The following PLAC1 variants were observed in gnomAD, a reference collection of about 807,000 sequenced individuals.
PLAC1 encodes placenta-specific protein 1.
For missense variants in PLAC1, 136 were observed against 163.2 expected, an observed-to-expected ratio of 0.83 and a Z score of 0.91; for synonymous variants, 68 against 62.1, an observed-to-expected ratio of 1.09 and a Z score of -0.44.
At position 134,753,243 on chromosome X, in the gene PLAC1, C is replaced by T. The variant is rs116457175; in HGVS notation, n.89+10991G>A. Among the ~76,000 whole-genome samples, 765 of 110,981 alleles carry T rather than the reference C, an allele frequency of 6.9e-3. 7 individuals carry two copies. Among genetic ancestry groups the T allele is most frequent in the African/African-American group, 0.024 (747 of 30,559 alleles). On this transcript the variant is annotated intron_variant and non_coding_transcript_variant, in intron 1 of 2. Transcript: ENST00000466797. The stretch of plus-strand genomic sequence containing the variant: ...CAGATGGCAGATTTGTGTCGTGGCC[C>T]GAGAAACAATTGTGTTTTGGTAAAA...
intron 2 of PLAC1, among the ~76,000 whole-genome samples, chrX:134,669,922 T>C (rs1569401892): frequency 8.9e-6 from 1 of 111,830 alleles, no homozygotes; most frequent in African/African-American, 3.3e-5. Flanking sequence ...GAACCTTGGC[T>C]GGGGTTCACA....
intron 1 of PLAC1, among the ~76,000 whole-genome samples, chrX:134,645,996 A>G (rs1002192821): frequency 2.7e-5 from 3 of 112,181 alleles, no homozygotes; most frequent in African/African-American, 9.7e-5. Context: ...AAACCTGTCA[A>G]CTTACAATTG....
intron 2 of PLAC1, among the ~76,000 whole-genome samples, chrX:134,686,664 A>G (rs998704528): frequency 2.8e-4 from 31 of 111,940 alleles, no homozygotes; most frequent in Non-Finnish European, 4.3e-4. Context: ...CTTGTGAATC[A>G]TAGCAGAAGG....
intron 2 of PLAC1, among the ~76,000 whole-genome samples, chrX:134,583,387 G>A (rs1296011465): frequency 1.3e-5 from 1 of 79,851 alleles, no homozygotes; most frequent in Non-Finnish European, 2.4e-5. Context: ...ACTATGCCTG[G>A]CTTTTTTTTT....
intron 1 of PLAC1, among the ~76,000 whole-genome samples, chrX:134,739,227 G>C (rs376091786): frequency 1.8e-5 from 2 of 112,238 alleles, no homozygotes; most frequent in South Asian, 3.7e-4. Context: ...ACACTAAATG[G>C]TTTTAAAAAA....
rs895091208 is a variant in PLAC1, at chrX:134,676,842, A to C, written n.174+56593T>G. On this transcript the variant is annotated intron_variant and non_coding_transcript_variant, in intron 2 of 2. Coordinates refer to the PLAC1 transcript ENST00000466797. ...TCAGCACAGAGTAGTGGTTAAGAGG[A>C]CATACTGACTGGGTTTGAATTCTGA... Among the ~76,000 whole-genome samples the C allele has an allele frequency of 6.3e-5, 7 of 111,716 alleles. No homozygotes were observed. The Admixed American group carries it at 6.7e-4, about 11-fold the overall frequency.
intron 2 of PLAC1, among the ~76,000 whole-genome samples, chrX:134,728,823 A>G (rs1355591676): frequency 9.8e-5 from 11 of 112,083 alleles, no homozygotes; most frequent in African/African-American, 3.2e-4. Flanking sequence ...TCATAAATCT[A>G]TGTTGATGGG....
chrX:134,687,710 G>A (rs2078521901), intron 2 of PLAC1, among the ~76,000 whole-genome samples: 1 of 103,399 alleles, frequency 9.7e-6, no homozygotes, highest in Non-Finnish European at 2.0e-5. Context: ...TCGGGTTTGT[G>A]CCTTAGTGGA....
intron 2 of PLAC1, among the ~76,000 whole-genome samples, chrX:134,681,769 C>A (rs1325320127): frequency 9.0e-6 from 1 of 111,434 alleles, no homozygotes; most frequent in African/African-American, 3.3e-5. Context: ...ATTGAAAAAA[C>A]ATGAAGGTAT....
intron 1 of PLAC1, among the ~76,000 whole-genome samples, chrX:134,603,010 G>C (rs1394954029): frequency 1.9e-5 from 2 of 106,134 alleles, no homozygotes; most frequent in African/African-American, 6.8e-5. Context: ...TCAACCATGG[G>C]GAGGCAGAAG....
intron 2 of PLAC1, among the ~76,000 whole-genome samples, chrX:134,714,782 T>G (rs924426592): frequency 1.8e-5 from 2 of 112,243 alleles, no homozygotes; most frequent in African/African-American, 6.5e-5. Context: ...CTTAGCATAA[T>G]GTCCTCAAAG....
At chrX:134,714,298 C>A (rs2078637008) in intron 2 of PLAC1, among the ~76,000 whole-genome samples, 1 of 109,376 alleles carries the variant, frequency 9.1e-6, no homozygotes, top group African/African-American at 3.3e-5. Context: ...TCCCTCCTCT[C>A]CTGCTTCTCT....
intron 2 of PLAC1, among the ~76,000 whole-genome samples, chrX:134,722,217 G>A (rs193166227): frequency 3.6e-5 from 4 of 111,687 alleles, no homozygotes; most frequent in Admixed American, 1.9e-4. Context: ...CATTGCACTC[G>A]GCATAAATGA....
chrX:134,614,339 A>G (rs761045188), intron 1 of PLAC1, among the ~76,000 whole-genome samples: 1 of 111,855 alleles, frequency 8.9e-6, no homozygotes. Flanking sequence ...ATCACTTCAC[A>G]TAAGTACTTT....
At chrX:134,627,064 C>A (rs372053975) in intron 1 of PLAC1, among the ~76,000 whole-genome samples, 14 of 110,651 alleles carry the variant, frequency 1.3e-4, no homozygotes, top group African/African-American at 4.6e-4. Context: ...ATGACAGCCA[C>A]AGCTATCCAG....
intron 1 of PLAC1, among the ~76,000 whole-genome samples, chrX:134,750,863 T>TTA (rs1357122044): frequency 2.1e-4 from 4 of 19,151 alleles, no homozygotes; most frequent in African/African-American, 2.0e-3. Context: ...ATATATATTT[T>TTA]TATATATATA....
intron 2 of PLAC1, among the ~76,000 whole-genome samples, chrX:134,709,087 G>A (rs1004854962): frequency 8.9e-6 from 1 of 112,004 alleles, no homozygotes; most frequent in African/African-American, 3.2e-5. Context: ...TATATGCCAT[G>A]TTCATGTATG....
intron 1 of PLAC1, among the ~76,000 whole-genome samples, chrX:134,744,081 C>T (rs751264292): frequency 9.3e-4 from 103 of 111,071 alleles, no homozygotes; most frequent in African/African-American, 3.2e-3. Context: ...GATAGGAGTT[C>T]GAGACCATCC....
intron 1 of PLAC1, among the ~76,000 whole-genome samples, chrX:134,741,353 T>G (rs1243608184): frequency 8.9e-6 from 1 of 112,216 alleles, no homozygotes; most frequent in African/African-American, 3.2e-5. Context: ...GAGGAGAACT[T>G]TGGAAGAAAA....
Sources: gnomAD v4.1 joint callset for allele counts (sites outside exome capture counted in the v4.1 genomes callset) on GRCh38, gnomAD v4.1.1 for gene constraint, MANE v1.5 for transcripts, NCBI Gene and HGNC (gene_info 2026-07-23, HGNC 2026-07-21) for gene names.